The following ACTR3C variants were observed in gnomAD, a reference collection of about 807,000 sequenced individuals.
ACTR3C encodes actin-related protein 3C.
Under a neutral mutation model 26.3 loss-of-function variants are expected in ACTR3C, and 18 were observed. The ratio of observed to expected loss-of-function variants is 0.68; its 90% confidence interval spans 0.47 to 1.01. ACTR3C has a LOEUF of 1.01. ACTR3C is among the 50% of genes least tolerant of loss of function. The probability of loss-of-function intolerance (pLI) is 0.00; values close to 1 mark genes in which losing one functional copy is unlikely to be tolerated. For synonymous variants in ACTR3C, 55 were observed against 94.5 expected, an observed-to-expected ratio of 0.58 and a Z score of 2.42; for missense variants, 184 against 250.7, an observed-to-expected ratio of 0.73 and a Z score of 1.80.
chr7:150,289,150 G>C (rs4015674), intron 4 of ACTR3C, among the ~76,000 whole-genome samples: 5 of 152,192 alleles, frequency 3.3e-5, no homozygotes, highest in East Asian at 3.9e-4. Context: ...TGGAAGGAGC[G>C]CTCTGGTAGA....
intron 6 of ACTR3C, among the ~76,000 whole-genome samples, chr7:150,261,469 C>T (rs1483109965): frequency 1.3e-5 from 2 of 152,238 alleles, no homozygotes; most frequent in African/African-American, 2.4e-5. Flanking sequence ...AAAAGAGGTA[C>T]CTTTTAAACT....
the ACTR3C span, among the ~76,000 whole-genome samples, chr7:150,035,242 C>A: frequency 6.1e-5 from 6 of 98,602 alleles, no homozygotes; most frequent in East Asian, 1.1e-3. Flanking sequence ...TCCTAAGAGC[C>A]AGTGGGGGAA....
chr7:150,136,752 C>A, the ACTR3C span, among the ~76,000 whole-genome samples: 2 of 152,074 alleles, frequency 1.3e-5, no homozygotes, highest in African/African-American at 4.8e-5. Context: ...AGTAGACGAC[C>A]TGATGCTGTG....
the ACTR3C span, among the ~76,000 whole-genome samples, chr7:149,977,880 T>C: frequency 6.6e-6 from 1 of 151,856 alleles, no homozygotes; most frequent in Non-Finnish European, 1.5e-5. Flanking sequence ...ATATGTATTA[T>C]TATTCCAACC....
chr7:149,918,321 T>G, the ACTR3C span, among the ~76,000 whole-genome samples: 3 of 152,078 alleles, frequency 2.0e-5, no homozygotes, highest in South Asian at 6.2e-4. Flanking sequence ...AAACATATTA[T>G]CTAATTTCAC....
the ACTR3C span, among the ~76,000 whole-genome samples, chr7:149,985,756 A>T: frequency 6.6e-6 from 1 of 152,182 alleles, no homozygotes; most frequent in Non-Finnish European, 1.5e-5. Flanking sequence ...AGCCCATGGT[A>T]CTTGTCAAAG....
At chr7:150,037,484 G>C in the ACTR3C span, among the ~76,000 whole-genome samples, 22 of 38,936 alleles carry the variant, frequency 5.7e-4, 5 homozygotes, top group East Asian at 1.7e-3. Flanking sequence ...GATGGGGGTA[G>C]CAACAGCCGG....
chr7:149,943,400 G>A, the ACTR3C span, among the ~76,000 whole-genome samples: 2 of 151,572 alleles, frequency 1.3e-5, no homozygotes, highest in African/African-American at 4.9e-5. Flanking sequence ...ATCAATGGAT[G>A]TGAAATGGCT....
At chr7:150,123,761 A>G in the ACTR3C span, among the ~76,000 whole-genome samples, 1 of 152,346 alleles carries the variant, frequency 6.6e-6, no homozygotes, top group Admixed American at 6.5e-5. Context: ...GTGACATGAA[A>G]AAGAGCCAGA....
At chr7:150,034,750 G>A in the ACTR3C span, among the ~76,000 whole-genome samples, 19 of 151,090 alleles carry the variant, frequency 1.3e-4, no homozygotes, top group African/African-American at 2.9e-4. Context: ...AAGGATCCTA[G>A]GATCAACGAA....
At chr7:150,241,407 A>G (rs1383590987), downstream of ACTR3C, among the ~76,000 whole-genome samples, 1 of 152,234 alleles carries the variant, frequency 6.6e-6, no homozygotes, top group African/African-American at 2.4e-5. Flanking sequence ...GAGCTAGTCC[A>G]TGAGGAAAGG....
the ACTR3C span, among the ~76,000 whole-genome samples, chr7:150,036,932 T>C: frequency 3.7e-4 from 32 of 86,552 alleles, no homozygotes; most frequent in South Asian, 0.011. Context: ...GCGATGGGGG[T>C]CCTAAGAGCC....
chr7:150,220,150 C>T, the ACTR3C span, among the ~76,000 whole-genome samples: 1 of 148,178 alleles, frequency 6.7e-6, no homozygotes, highest in South Asian at 2.1e-4. Flanking sequence ...ACACTCCCTC[C>T]ACAAACCTGC....
the ACTR3C span, among the ~76,000 whole-genome samples, chr7:149,938,843 G>T: frequency 0.023 from 3,464 of 150,670 alleles, 106 homozygotes; most frequent in African/African-American, 0.079. Context: ...GAAATTGGGT[G>T]AAAAGTAATA....
At chr7:150,313,371 C>T (rs781256320) in intron 1 of ACTR3C, among the ~76,000 whole-genome samples, 6 of 152,060 alleles carry the variant, frequency 3.9e-5, no homozygotes, top group African/African-American at 9.7e-5. Flanking sequence ...CATTGGCAAT[C>T]GGTTGAAAGG....
chr7:150,135,704 G>A, the ACTR3C span, among the ~76,000 whole-genome samples: 5 of 151,088 alleles, frequency 3.3e-5, no homozygotes, highest in African/African-American at 1.2e-4. Flanking sequence ...TATTGTATGA[G>A]GAAACTAATA....
At chr7:149,902,168 T>G in the ACTR3C span, among the ~76,000 whole-genome samples, 1 of 152,128 alleles carries the variant, frequency 6.6e-6, no homozygotes, top group African/African-American at 2.4e-5. Context: ...AATAGTAATT[T>G]TTTTAATCCA....
the ACTR3C span, among the ~76,000 whole-genome samples, chr7:150,219,194 G>A: frequency 3.4e-5 from 5 of 145,044 alleles, no homozygotes; most frequent in African/African-American, 8.5e-5. Context: ...TTGATATTGT[G>A]GGCTAATACA....
At chr7:150,050,634 T>C in the ACTR3C span, among the ~76,000 whole-genome samples, 528 of 152,070 alleles carry the variant, frequency 3.5e-3, 1 homozygote, top group African/African-American at 0.012. Context: ...AGAGCGAGCG[T>C]CTGAAAGATG....
Sources: allele counts gnomAD v4.1 joint callset (sites outside exome capture counted in the v4.1 genomes callset), GRCh38; gene constraint gnomAD v4.1.1; transcripts MANE v1.5; gene names NCBI Gene and HGNC (gene_info 2026-07-23, HGNC 2026-07-21).